CPED1: variants seen among roughly 807,000 people sequenced by gnomAD.
The protein encoded by CPED1 is cadherin like and PC-esterase domain containing 1, also known as cadherin-like and PC-esterase domain-containing protein 1.
CPED1 carries 114 observed loss-of-function variants against 128.2 expected under a neutral mutation model. The ratio of observed to expected loss-of-function variants is 0.89; its 90% confidence interval spans 0.76 to 1.04. CPED1 has a LOEUF of 1.04. Among genes scored for constraint, CPED1 ranks in the 50% least tolerant of loss-of-function variants. The pLI, the probability that CPED1 is intolerant of heterozygous loss-of-function variation, is 0.00. For missense variants in CPED1, 1,211 were observed against 1,207.1 expected, an observed-to-expected ratio of 1.00 and a Z score of -0.05; for synonymous variants, 462 against 426.7, an observed-to-expected ratio of 1.08 and a Z score of -1.02.
rs1563005001 is a variant in CPED1 at position 121,047,705 on chromosome 7, TCTTCTTCTTC to T, written c.540+713_540+722del. ...TTCTTCTTCTTCTTCTTCTTCTTCT[TCTTCTTCTTC>T]TTTTTTTTTTTTTGAGACGTAATCT... On this transcript the variant is annotated intron_variant, in intron 4 of 22. Coordinates refer to ENST00000310396, the MANE Select transcript of CPED1 (RefSeq NM_024913.5). Among the ~76,000 whole-genome samples the T allele has an allele frequency of 1.6e-3, 167 of 106,588 alleles. 1 individual carries two copies. The highest frequency in any genetic ancestry group is 1.8e-3 in the Admixed American group (20 of 10,912). 69.9% of individuals were successfully genotyped at this position (106,588 alleles called of 152,430 possible).
rs749541724 is a variant in CPED1 at position 121,266,384 on chromosome 7, A to G, written c.2468A>G (p.Gln823Arg). 6.2e-7 allele frequency: 1 copy of G among 1,613,288 alleles called. No homozygotes were observed. Among genetic ancestry groups the G allele is most frequent in the East Asian group, 2.2e-5 (1 of 44,832 alleles). ...KTLISYSYYP[Q>R]FWISPSLRPT... is the part of the protein sequence containing the mutation. ...TTGATCAGTTATTCCTACTATCCCC[A>G]GTTCTGGATAAGCCCTTCATTGAGA... The change falls in exon 19 of 23, where the codon CAG (glutamine) becomes CGG (arginine). Residue 823 changes from glutamine (Q) to arginine (R), a missense_variant. Transcript: ENST00000310396.
chr7:121,116,540 T>C (rs1311061989), intron 7 of CPED1, among the ~76,000 whole-genome samples: 1 of 152,194 alleles, frequency 6.6e-6, no homozygotes, highest in Non-Finnish European at 1.5e-5. Flanking sequence ...GAGTTGTTAA[T>C]TGTGTGGGTG....
At chr7:121,293,309 G>A (rs577809556) in intron 22 of CPED1, among the ~76,000 whole-genome samples, 1 of 152,244 alleles carries the variant, frequency 6.6e-6, no homozygotes, top group African/African-American at 2.4e-5. Flanking sequence ...ACACTGTGAG[G>A]GGAAAACTGC....
intron 16 of CPED1, among the ~76,000 whole-genome samples, chr7:121,180,128 A>G (rs888976495): frequency 1.3e-5 from 2 of 152,030 alleles, no homozygotes; most frequent in African/African-American, 4.8e-5. Flanking sequence ...GGTCCCAAAG[A>G]CCAGATGATA....
intron 18 of CPED1, among the ~76,000 whole-genome samples, chr7:121,260,760 G>A (rs1260974994): frequency 6.6e-6 from 1 of 151,976 alleles, no homozygotes; most frequent in Non-Finnish European, 1.5e-5. Flanking sequence ...AGGTTCTAGT[G>A]GGTTCCTGTT....
At chr7:121,047,741 T>C (rs1221705235) in intron 4 of CPED1, among the ~76,000 whole-genome samples, 3 of 146,116 alleles carry the variant, frequency 2.1e-5, no homozygotes, top group Non-Finnish European at 3.0e-5. Context: ...GACGTAATCT[T>C]GCTCCATCGC....
At chr7:121,286,443 T>C (rs1046430169) in intron 22 of CPED1, among the ~76,000 whole-genome samples, 1 of 152,200 alleles carries the variant, frequency 6.6e-6, no homozygotes, top group Admixed American at 6.5e-5. Context: ...ATGCCCTGCC[T>C]GTCAGTGCAT....
chr7:121,240,384 T>C (rs1381341949), intron 17 of CPED1, among the ~76,000 whole-genome samples: 1 of 152,150 alleles, frequency 6.6e-6, no homozygotes, highest in Non-Finnish European at 1.5e-5. Flanking sequence ...GAAAACAGCC[T>C]TTCAAAAGAT....
intron 4 of CPED1, chr7:121,052,024 C>G (rs916141579): frequency 1.3e-5 from 2 of 152,528 alleles, no homozygotes; most frequent in Non-Finnish European, 2.9e-5. Flanking sequence ...GCTTTCCCAT[C>G]TATTTCGCTA....
At chr7:121,077,128 T>C (rs1272194004) in intron 5 of CPED1, among the ~76,000 whole-genome samples, 1 of 152,102 alleles carries the variant, frequency 6.6e-6, no homozygotes, top group Admixed American at 6.6e-5. Context: ...TGACTCCAGA[T>C]AAGGAACTCT....
chr7:121,060,849 T>G (rs1208910683), intron 4 of CPED1, among the ~76,000 whole-genome samples: 1 of 152,212 alleles, frequency 6.6e-6, no homozygotes, highest in Admixed American at 6.5e-5. Context: ...ATCTTGCTGC[T>G]GCTCACTCTT....
intron 4 of CPED1, among the ~76,000 whole-genome samples, chr7:121,052,723 A>G (rs777790872): frequency 1.4e-4 from 21 of 152,020 alleles, no homozygotes; most frequent in Non-Finnish European, 2.5e-4. Context: ...AAAAATTTAA[A>G]TTTTTATTGT....
chr7:121,057,172 G>T (rs1793521133), intron 4 of CPED1, among the ~76,000 whole-genome samples: 1 of 152,038 alleles, frequency 6.6e-6, no homozygotes, highest in Non-Finnish European at 1.5e-5. Flanking sequence ...TAGAGATGAG[G>T]TTTCATCATC....
intron 3 of CPED1, among the ~76,000 whole-genome samples, chr7:121,025,746 C>T (rs549928995): frequency 9.3e-4 from 142 of 152,044 alleles, no homozygotes; most frequent in African/African-American, 3.3e-3. Flanking sequence ...TTTTCCTTTT[C>T]TTGATACTCC....
chr7:121,091,036 GA>G (rs1325813073), intron 5 of CPED1, among the ~76,000 whole-genome samples: 1 of 151,424 alleles, frequency 6.6e-6, no homozygotes, highest in Non-Finnish European at 1.5e-5. Flanking sequence ...GTGTAGGTCT[GA>G]AATAGTTCCT....
chr7:121,033,299 C>A (rs978109605), intron 3 of CPED1, among the ~76,000 whole-genome samples: 1 of 152,160 alleles, frequency 6.6e-6, no homozygotes, highest in Non-Finnish European at 1.5e-5. Context: ...CCTGTGTTTT[C>A]TTCATGACAC....
intron 5 of CPED1, among the ~76,000 whole-genome samples, chr7:121,076,340 A>G (rs186699700): frequency 7.4e-4 from 113 of 152,336 alleles, no homozygotes; most frequent in Non-Finnish European, 1.3e-3. Flanking sequence ...TGAAAGAACT[A>G]GAGAACTAGT....
intron 16 of CPED1, among the ~76,000 whole-genome samples, chr7:121,215,708 G>A (rs1353898181): frequency 6.6e-6 from 1 of 151,938 alleles, no homozygotes; most frequent in African/African-American, 2.4e-5. Context: ...GTTAGTATGG[G>A]AGAATCCCAC....
At chr7:121,072,041 C>T (rs1307220709) in intron 5 of CPED1, among the ~76,000 whole-genome samples, 1 of 152,122 alleles carries the variant, frequency 6.6e-6, no homozygotes. Flanking sequence ...CCAAGTCCAA[C>T]AGTCATTTTT....
Sources: gnomAD v4.1 joint callset for allele counts (sites outside exome capture counted in the v4.1 genomes callset) on GRCh38, gnomAD v4.1.1 for gene constraint, MANE v1.5 for transcripts, NCBI Gene and HGNC (gene_info 2026-07-23, HGNC 2026-07-21) for gene names.